Variants in KIFAP3 observed in about 807,000 individuals in gnomAD.
The protein encoded by KIFAP3 is kinesin-associated protein 3.
In KIFAP3, 68 loss-of-function variants were observed where a neutral mutation model predicts 106.5. The ratio of observed to expected loss-of-function variants is 0.64; its 90% CI spans 0.53 to 0.78. The LOEUF (loss-of-function observed/expected upper bound fraction) is 0.78, where lower values mean the gene tolerates loss of function less well. KIFAP3 is among the 30% of genes least tolerant of loss of function. KIFAP3 has a pLI of 0.00. For synonymous variants in KIFAP3, 320 were observed against 311.5 expected (o/e 1.03, Z -0.29); for missense variants, 780 against 941.8 (o/e 0.83, Z 2.25).
intron 10 of KIFAP3, among the ~76,000 whole-genome samples, chr1:169,995,466 C>G (rs931550257): frequency 3.3e-5 from 5 of 152,014 alleles, no homozygotes; most frequent in African/African-American, 1.2e-4. Flanking sequence ...AAGTCCTAGT[C>G]TTACTTAATT....
At chr1:169,959,040 T>G (rs1448131860) in intron 18 of KIFAP3, among the ~76,000 whole-genome samples, 1 of 152,132 alleles carries the variant, frequency 6.6e-6, no homozygotes, top group Non-Finnish European at 1.5e-5. Context: ...AAGTAAAAGA[T>G]AAGACCCAGG....
intron 1 of KIFAP3, chr1:170,067,776 A>T (rs761504042): frequency 3.3e-4 from 50 of 152,290 alleles, no homozygotes; most frequent in Admixed American, 1.3e-3. Flanking sequence ...GGCCCCTGGG[A>T]TAAATAGTAA....
In KIFAP3 at chr1:170,049,748, T is replaced by A. The variant is rs368753128; in HGVS notation, c.165-2882A>T. 2.0e-5 allele frequency among the ~76,000 whole-genome samples: 3 copies of A among 151,950 alleles called. No homozygotes were observed. In the East Asian group the frequency reaches 5.8e-4, roughly 29 times the overall value. ...GCAGCAGACCTGCAGAAGAGGTGCC[T>A]GGCTGTTGATACAAAAACTAACACA... On this transcript the variant is annotated intron_variant, in intron 2 of 19. Transcript: ENST00000361580.
In KIFAP3 at chr1:169,982,886, T is replaced by A; in HGVS notation, c.1507-19A>T. On this transcript the variant is annotated intron_variant, in intron 13 of 19. Coordinates refer to ENST00000361580, the MANE Select transcript of KIFAP3 (RefSeq NM_014970.4). ...CATAATCCTGAATAAAACATAATTT[T>A]AATATAAATTTAAATTATTTTTTAT... is the stretch of plus-strand genomic sequence containing the variant. The A allele has an allele frequency of 8.2e-7, 1 of 1,222,792 alleles. No individual in the cohort carries two copies. Among genetic ancestry groups the A allele is most frequent in the Non-Finnish European group, 1.1e-6 (1 of 933,776 alleles). 75.7% of individuals were successfully genotyped at this position (1,222,792 alleles called of 1,614,324 possible). A position where few individuals can be genotyped will look rare whatever the true frequency, so the allele number is the denominator to read the frequency against.
intron 19 of KIFAP3, among the ~76,000 whole-genome samples, chr1:169,933,381 C>T (rs750799301): frequency 4.6e-5 from 7 of 151,964 alleles, no homozygotes; most frequent in East Asian, 1.9e-4. Flanking sequence ...TAAATCTCTA[C>T]TATTATAAGC....
intron 10 of KIFAP3, among the ~76,000 whole-genome samples, chr1:170,004,172 G>A (rs1416512048): frequency 2.6e-5 from 4 of 151,406 alleles, no homozygotes; most frequent in African/African-American, 9.7e-5. Flanking sequence ...CCTCTTCAAG[G>A]AGAACTACAA....
chr1:169,971,781 A>G (rs1199820960), intron 17 of KIFAP3, among the ~76,000 whole-genome samples: 2 of 152,056 alleles, frequency 1.3e-5, no homozygotes, highest in Non-Finnish European at 2.9e-5. Flanking sequence ...TAAACTTTCT[A>G]AAGGTGAGCC....
At chr1:169,946,133 G>A (rs1664427640) in intron 19 of KIFAP3, among the ~76,000 whole-genome samples, 1 of 152,042 alleles carries the variant, frequency 6.6e-6, no homozygotes, top group Admixed American at 6.6e-5. Flanking sequence ...AATTTAAACT[G>A]GTTAATTAGC....
At chr1:169,984,514 A>G (rs565409104) in intron 12 of KIFAP3, 68 bp downstream of exon 12, 50 of 644,752 alleles carry the variant, frequency 7.8e-5, no homozygotes, top group Admixed American at 2.3e-4. Flanking sequence ...TTAATTCCTT[A>G]TATCTATTTT....
Position 169,928,699 on chromosome 1 carries a change from C to CAAAAAAAAAAAAAAAAAAAAAAAA in KIFAP3, c.2274-6919_2274-6918insTTTTTTTTTTTTTTTTTTTTTTTT, listed in dbSNP as rs10690029. ...AACAGAGTGAGTGAGACCCTGTCTC[C>CAAAAAAAAAAAAAAAAAAAAAAAA]AAAAAAAAAAAAAAAAAAAAAATTA... is the stretch of plus-strand genomic sequence containing the variant. On this transcript the variant is annotated intron_variant, in intron 19 of 19. Coordinates refer to ENST00000361580, the MANE Select transcript of KIFAP3 (RefSeq NM_014970.4). 9.3e-4 allele frequency among the ~76,000 whole-genome samples: 35 copies of CAAAAAAAAAAAAAAAAAAAAAAAA among 37,776 alleles called. 2 individuals carry two copies. Among genetic ancestry groups the CAAAAAAAAAAAAAAAAAAAAAAAA allele is most frequent in the East Asian group, 1.8e-3 (2 of 1,096 alleles). 24.8% of individuals were successfully genotyped at this position (37,776 alleles called of 152,430 possible). A position where few individuals can be genotyped will look rare whatever the true frequency, so the allele number is the denominator to read the frequency against.
intron 7 of KIFAP3, chr1:170,032,263 A>G (rs954004001): frequency 8.2e-6 from 2 of 243,334 alleles, no homozygotes; most frequent in African/African-American, 2.2e-5. Context: ...CAAATACTTG[A>G]ATTCCCAGAA....
At chr1:170,045,245 C>T (rs1050030138) in intron 3 of KIFAP3, among the ~76,000 whole-genome samples, 2 of 152,076 alleles carry the variant, frequency 1.3e-5, no homozygotes, top group Non-Finnish European at 2.9e-5. Context: ...TGTTCCTCAC[C>T]TGCGATAAGT....
chr1:169,939,374 AGGT>A (rs1435280081), intron 19 of KIFAP3, among the ~76,000 whole-genome samples: 3 of 152,202 alleles, frequency 2.0e-5, no homozygotes, highest in African/African-American at 7.2e-5. Context: ...TTGAACTACT[AGGT>A]GGGATGGTGG....
intron 1 of KIFAP3, among the ~76,000 whole-genome samples, chr1:170,065,437 C>G (rs1360830430): frequency 6.6e-6 from 1 of 151,500 alleles, no homozygotes; most frequent in African/African-American, 2.4e-5. Context: ...CATGGTGAAA[C>G]CCTGTCTCTA....
chr1:170,058,102 T>C (rs1330372), intron 1 of KIFAP3, among the ~76,000 whole-genome samples: 40,151 of 152,086 alleles, frequency 0.26, 6,171 homozygotes, highest in East Asian at 0.5. Context: ...TACATCCTTA[T>C]GTTCCTAGAT....
At chr1:170,037,335 C>G (rs1669741059) in intron 5 of KIFAP3, among the ~76,000 whole-genome samples, 1 of 152,154 alleles carries the variant, frequency 6.6e-6, no homozygotes, top group Non-Finnish European at 1.5e-5. Context: ...TGGCAACAAC[C>G]AGAAAGGCAT....
chr1:170,012,594 A>AGCGGTGTGTGTG (rs1473466695), intron 10 of KIFAP3, among the ~76,000 whole-genome samples: 1 of 152,116 alleles, frequency 6.6e-6, no homozygotes, highest in Non-Finnish European at 1.5e-5. Flanking sequence ...TTCCCCCAAA[A>AGCGGTGTGTGTG]TTCTTATGTT....
intron 1 of KIFAP3, among the ~76,000 whole-genome samples, chr1:170,059,720 G>A (rs185104232): frequency 0.037 from 5,690 of 151,978 alleles, 145 homozygotes; most frequent in Non-Finnish European, 0.054. Flanking sequence ...CAAAAAAAAA[G>A]AATTTTAAAC....
intron 2 of KIFAP3, among the ~76,000 whole-genome samples, chr1:170,048,903 G>A (rs895756384): frequency 1.3e-5 from 2 of 152,176 alleles, no homozygotes; most frequent in African/African-American, 2.4e-5. Flanking sequence ...CTGGGTGGCT[G>A]TTTGGGCAGG....
Sources: gnomAD v4.1 joint callset for allele counts (sites outside exome capture counted in the v4.1 genomes callset) on GRCh38, gnomAD v4.1.1 for gene constraint, MANE v1.5 for transcripts, NCBI Gene and HGNC (gene_info 2026-07-23, HGNC 2026-07-21) for gene names.